MYH10: variants seen among roughly 807,000 people sequenced by gnomAD.
MYH10 encodes the protein myosin heavy chain 10, also known as myosin-10.
Under a neutral mutation model 257.8 loss-of-function variants are expected in MYH10, and 55 were observed. The observed-to-expected ratio is 0.21, with a 90% CI of 0.17 to 0.27. MYH10 has a LOEUF of 0.27. Among genes scored for constraint, MYH10 ranks in the 10% least tolerant of loss-of-function variants. The pLI, the probability that MYH10 is intolerant of heterozygous loss-of-function variation, is 1.00. For missense variants in MYH10, 1,631 were observed against 2,500.6 expected (o/e 0.65, Z 7.42); for synonymous variants, 854 against 921.7 (o/e 0.93, Z 1.33).
rs199834633 is a variant in MYH10 at position 8,475,947 on chromosome 17, G to T, written c.5881C>A (p.Arg1961=). 1.9e-6 allele frequency: 3 copies of T among 1,612,444 alleles called. No individual in the cohort carries two copies. In the African/African-American group the frequency reaches 4.0e-5, roughly 21 times the overall value. ...EVSTLKNRLR[R]GGPISFSSSR... is the part of the protein sequence containing the mutation. ...GAAGAGAAGCTGATGGGGCCACCCC[G>T]CCTGGAGAACACAGGAAGCAGATGT... Residue 1961 remains arginine (R), a splice_region_variant and synonymous_variant, in exon 43 of 43, where the codon CGG becomes AGG. Coordinates refer to ENST00000360416, the MANE Select transcript of MYH10 (RefSeq NM_001256012.3).
chr17:8,544,499 A>C (rs928826974), intron 13 of MYH10, among the ~76,000 whole-genome samples: 2 of 152,186 alleles, frequency 1.3e-5, no homozygotes, highest in Non-Finnish European at 2.9e-5. Context: ...ATTTCTTAAT[A>C]TATTTACAAA....
chr17:8,617,622 C>T (rs1160451044), intron 2 of MYH10, among the ~76,000 whole-genome samples: 1 of 152,120 alleles, frequency 6.6e-6, no homozygotes, highest in Non-Finnish European at 1.5e-5. Context: ...CCTAGTTACA[C>T]ACCTTACAGA....
At chr17:8,486,809 G>C (rs1914890261) in intron 36 of MYH10, among the ~76,000 whole-genome samples, 1 of 152,122 alleles carries the variant, frequency 6.6e-6, no homozygotes, top group Non-Finnish European at 1.5e-5. Flanking sequence ...TTGACATTTA[G>C]GGGGTTTCCA....
intron 42 of MYH10, 45 bp from the exon 43 acceptor site, chr17:8,475,993 G>T (rs201545538): frequency 3.2e-6 from 5 of 1,580,546 alleles, no homozygotes. Flanking sequence ...ACAGACAGGA[G>T]CACATGGCTG....
At chr17:8,596,227 A>T (rs1460830010) in intron 3 of MYH10, among the ~76,000 whole-genome samples, 1 of 148,666 alleles carries the variant, frequency 6.7e-6, no homozygotes, top group Non-Finnish European at 1.5e-5. Context: ...ATCTTGGCTC[A>T]CTGAAATCTC....
chr17:8,612,128 T>G (rs1476383707), intron 2 of MYH10, among the ~76,000 whole-genome samples: 1 of 152,202 alleles, frequency 6.6e-6, no homozygotes, highest in African/African-American at 2.4e-5. Flanking sequence ...TCGTCCAGCA[T>G]CATCATGCTG....
chr17:8,541,674 C>G (rs1324885074), intron 14 of MYH10, among the ~76,000 whole-genome samples: 1 of 151,960 alleles, frequency 6.6e-6, no homozygotes, highest in African/African-American at 2.4e-5. Context: ...AAAAAAAAAT[C>G]TGGCAAAATA....
chr17:8,602,915 A>G (rs2084665425), intron 3 of MYH10, among the ~76,000 whole-genome samples: 1 of 152,206 alleles, frequency 6.6e-6, no homozygotes, highest in Non-Finnish European at 1.5e-5. Flanking sequence ...ATTTTCAATA[A>G]ATGTTTATTC....
intron 1 of MYH10, among the ~76,000 whole-genome samples, chr17:8,630,167 T>A (rs1469294482): frequency 6.7e-6 from 1 of 150,212 alleles, no homozygotes; most frequent in Non-Finnish European, 1.5e-5. Context: ...CAGCCCCGCT[T>A]AGAATCCCCT....
At chr17:8,531,067 A>G (rs955185185) in intron 16 of MYH10, among the ~76,000 whole-genome samples, 1 of 152,178 alleles carries the variant, frequency 6.6e-6, no homozygotes, top group Non-Finnish European at 1.5e-5. Flanking sequence ...TCACAGCACT[A>G]TGGCGAATGT....
chr17:8,508,479 T>C (rs2151865011), intron 26 of MYH10, 75 bp downstream of exon 26: 4 of 1,580,650 alleles, frequency 2.5e-6, no homozygotes, highest in Non-Finnish European at 3.5e-6. Flanking sequence ...TTTTTATTTT[T>C]GCATGTTCTG....
At chr17:8,565,072 C>A (rs941590634) in intron 7 of MYH10, among the ~76,000 whole-genome samples, 5 of 152,148 alleles carry the variant, frequency 3.3e-5, no homozygotes, top group Admixed American at 1.3e-4. Flanking sequence ...TTAAGTTTAA[C>A]CAACTGGGTG....
intron 14 of MYH10, 172 bp downstream of exon 14, chr17:8,541,935 C>T: frequency 1.6e-6 from 1 of 613,210 alleles, no homozygotes; most frequent in Non-Finnish European, 2.7e-6. Context: ...TGGCATGCTA[C>T]TGACTTTTAA....
chr17:8,587,992 T>C (rs556910020), intron 4 of MYH10, among the ~76,000 whole-genome samples: 2 of 152,038 alleles, frequency 1.3e-5, no homozygotes, highest in African/African-American at 2.4e-5. Context: ...GCTCATCTCA[T>C]CCACTCAATC....
chr17:8,628,886 T>A (rs1466715682), intron 1 of MYH10, among the ~76,000 whole-genome samples: 1 of 152,228 alleles, frequency 6.6e-6, no homozygotes, highest in African/African-American at 2.4e-5. Flanking sequence ...GATTTCCCTA[T>A]GGAGCCCAAA....
chr17:8,511,971 T>G (rs911008238), intron 24 of MYH10, among the ~76,000 whole-genome samples: 1 of 152,266 alleles, frequency 6.6e-6, no homozygotes, highest in Non-Finnish European at 1.5e-5. Context: ...GAGTACAGCC[T>G]GTATTTCAAA....
At chr17:8,621,519 C>T (rs1249996685) in intron 2 of MYH10, among the ~76,000 whole-genome samples, 2 of 152,116 alleles carry the variant, frequency 1.3e-5, no homozygotes, top group Non-Finnish European at 2.9e-5. Flanking sequence ...GGCAAAATTG[C>T]GGTCACCCTA....
intron 13 of MYH10, 29 bp from the exon 14 acceptor site, chr17:8,542,309 A>G: frequency 6.2e-7 from 1 of 1,601,276 alleles, no homozygotes; most frequent in Non-Finnish European, 8.5e-7. Context: ...AATTTTCCAA[A>G]CATGGGGAGG....
Position 8,562,502 on chromosome 17 carries a change from C to T in MYH10, c.756+7218G>A, listed in dbSNP as rs143735408. ...CGAGTTTTACTTTTAAGTGGGAACG[C>T]TATCTTTAAACATTATGTGAAGAAA... On this transcript the variant is annotated intron_variant, in intron 7 of 42. Coordinates refer to ENST00000360416, the MANE Select transcript of MYH10 (RefSeq NM_001256012.3). Among the ~76,000 whole-genome samples the T allele has an allele frequency of 6.2e-3, 944 of 152,346 alleles. 12 individuals carry two copies. Among genetic ancestry groups the T allele is most frequent in the African/African-American group, 0.022 (910 of 41,584 alleles).
Sources: allele counts gnomAD v4.1 joint callset (sites outside exome capture counted in the v4.1 genomes callset), GRCh38; gene constraint gnomAD v4.1.1; transcripts MANE v1.5; gene names NCBI Gene and HGNC (gene_info 2026-07-23, HGNC 2026-07-21).